BMPER: variants seen among roughly 807,000 people sequenced by gnomAD.
BMPER encodes the protein BMP-binding endothelial regulator protein.
BMPER carries 45 observed loss-of-function variants against 87.3 expected under a neutral mutation model. The observed-to-expected ratio is 0.52, with a 90% CI of 0.41 to 0.66. The LOEUF (loss-of-function observed/expected upper bound fraction) is 0.66, where lower values mean the gene tolerates loss of function less well. Ranked by LOEUF, BMPER falls within the 30% of genes least tolerant of loss-of-function variation. BMPER has a pLI of 0.00. For synonymous variants in BMPER, 326 were observed against 316.2 expected (o/e 1.03, Z -0.33); for missense variants, 784 against 867.5 (o/e 0.90, Z 1.21).
chr7:34,096,543 C>T (rs1009912441), intron 13 of BMPER, among the ~76,000 whole-genome samples: 4 of 152,148 alleles, frequency 2.6e-5, no homozygotes, highest in African/African-American at 9.7e-5. Flanking sequence ...CACTCCAACA[C>T]ATTGTACTCT....
intron 2 of BMPER, among the ~76,000 whole-genome samples, chr7:33,928,271 C>T (rs905769844): frequency 2.0e-5 from 3 of 152,082 alleles, no homozygotes; most frequent in African/African-American, 7.2e-5. Context: ...TTTTTGTTTG[C>T]TTTTGGGAAC....
chr7:34,098,832 A>C (rs1789602819), intron 13 of BMPER, among the ~76,000 whole-genome samples: 1 of 152,208 alleles, frequency 6.6e-6, no homozygotes, highest in African/African-American at 2.4e-5. Context: ...ACTAGAATTT[A>C]TTGACATACA....
intron 6 of BMPER, among the ~76,000 whole-genome samples, chr7:34,029,854 G>A (rs1039161552): frequency 5.3e-5 from 8 of 152,056 alleles, no homozygotes; most frequent in African/African-American, 1.9e-4. Flanking sequence ...GGAATTTGTA[G>A]CCAGCTATGT....
At chr7:33,977,585 G>GA (rs2127913952) in intron 6 of BMPER, among the ~76,000 whole-genome samples, 2 of 152,292 alleles carry the variant, frequency 1.3e-5, no homozygotes, top group South Asian at 4.1e-4. Context: ...TTAGGCTGCA[G>GA]CTTCCCCTGT....
chr7:34,095,726 A>T (rs1395780721), intron 13 of BMPER, among the ~76,000 whole-genome samples: 1 of 130,628 alleles, frequency 7.7e-6, no homozygotes, highest in Non-Finnish European at 1.6e-5. Flanking sequence ...TATCCAATAT[A>T]CAGAACTTCC....
chr7:34,014,576 G>A (rs1473967257), intron 6 of BMPER, among the ~76,000 whole-genome samples: 1 of 151,804 alleles, frequency 6.6e-6, no homozygotes, highest in East Asian at 1.9e-4. Context: ...CTTACTGTAC[G>A]ATACTGTGCC....
At chr7:33,991,024 T>G (rs1307561682) in intron 6 of BMPER, among the ~76,000 whole-genome samples, 1 of 143,948 alleles carries the variant, frequency 6.9e-6, no homozygotes, top group Non-Finnish European at 1.5e-5. Flanking sequence ...TTGCCAGTAT[T>G]TTATTGAGGA....
intron 11 of BMPER, among the ~76,000 whole-genome samples, chr7:34,077,490 A>G (rs1220001133): frequency 6.6e-6 from 1 of 152,166 alleles, no homozygotes; most frequent in Non-Finnish European, 1.5e-5. Context: ...TGCCTTTTAT[A>G]TATTCTTTCA....
intron 7 of BMPER, among the ~76,000 whole-genome samples, chr7:34,050,905 C>T (rs1445640209): frequency 6.6e-6 from 1 of 152,132 alleles, no homozygotes; most frequent in Non-Finnish European, 1.5e-5. Context: ...CCTCTGCGTG[C>T]CCTTTGAGTT....
At chr7:33,952,395 G>A (rs1235054695) in intron 3 of BMPER, among the ~76,000 whole-genome samples, 6 of 151,994 alleles carry the variant, frequency 3.9e-5, no homozygotes, top group African/African-American at 1.2e-4. Context: ...AAAGTGTTTT[G>A]GAACCAAAAT....
chr7:34,049,861 G>A (rs1381435413), intron 7 of BMPER, among the ~76,000 whole-genome samples: 1 of 152,052 alleles, frequency 6.6e-6, no homozygotes, highest in African/African-American at 2.4e-5. Context: ...TTAAAGCAGT[G>A]AAAAATGACT....
intron 2 of BMPER, among the ~76,000 whole-genome samples, chr7:33,934,585 G>T (rs1784560164): frequency 6.6e-6 from 1 of 151,660 alleles, no homozygotes; most frequent in Admixed American, 6.6e-5. Flanking sequence ...TTTTGTGCTG[G>T]ACTGTAATTA....
At chr7:33,916,906 C>G (rs1784098783) in intron 2 of BMPER, among the ~76,000 whole-genome samples, 1 of 152,036 alleles carries the variant, frequency 6.6e-6, no homozygotes, top group Admixed American at 6.5e-5. Context: ...CATGATTCTC[C>G]CAGAAAGTTT....
chr7:34,118,720 A>G (rs1219451444), intron 13 of BMPER, among the ~76,000 whole-genome samples: 4 of 152,204 alleles, frequency 2.6e-5, no homozygotes, highest in African/African-American at 9.6e-5. Flanking sequence ...GGTATCACTT[A>G]TATGAAATTA....
chr7:33,905,215 G>A (rs1783775087), upstream of BMPER: 6 of 302,942 alleles, frequency 2.0e-5, no homozygotes, highest in South Asian at 1.9e-4. Context: ...GCGGCAGCCC[G>A]GGCGGCGGCT....
At chr7:34,076,561 T>A (rs1313371516) in intron 11 of BMPER, among the ~76,000 whole-genome samples, 1 of 152,138 alleles carries the variant, frequency 6.6e-6, no homozygotes, top group East Asian at 1.9e-4. Context: ...AGTGACTAGA[T>A]CATAGTTCAT....
chr7:34,025,135 G>A (rs939766374), intron 6 of BMPER, among the ~76,000 whole-genome samples: 3 of 152,084 alleles, frequency 2.0e-5, no homozygotes, highest in Non-Finnish European at 4.4e-5. Flanking sequence ...TTATAAACAA[G>A]CTTGAAAGTG....
chr7:34,144,697 G>C lies in BMPER; in HGVS notation c.1876+1337G>C, dbSNP rs1252644752. On this transcript the variant is annotated intron_variant, in intron 14 of 14. Transcript: ENST00000649409. ...GTGTCCAACTCATAGAAGATGCTCA[G>C]TCAAGGGTAGCTGCTGTTGTTATTT... 3.9e-5 allele frequency among the ~76,000 whole-genome samples: 6 copies of C among 152,276 alleles called. No individual in the cohort carries two copies. In the South Asian group the frequency reaches 1.2e-3, roughly 32 times the overall value.
chr7:34,074,220 G>A (rs1788805704), intron 11 of BMPER, among the ~76,000 whole-genome samples: 1 of 152,220 alleles, frequency 6.6e-6, no homozygotes, highest in South Asian at 2.1e-4. Flanking sequence ...TTGGTGGAAA[G>A]TGACCTACTC....
Sources: allele counts gnomAD v4.1 joint callset (sites outside exome capture counted in the v4.1 genomes callset), GRCh38; gene constraint gnomAD v4.1.1; transcripts MANE v1.5; gene names NCBI Gene and HGNC (gene_info 2026-07-23, HGNC 2026-07-21).